The following TMPRSS3 variants were observed in gnomAD, a reference collection of about 807,000 sequenced individuals.
TMPRSS3 encodes the protein transmembrane serine protease 3.
In TMPRSS3, 55 loss-of-function variants were observed where a neutral mutation model predicts 59.6. That is an observed-to-expected ratio of 0.92 (90% CI 0.74 to 1.16). The LOEUF is 1.16. Ranked by LOEUF, TMPRSS3 falls within the 50% of genes most tolerant of loss-of-function variation. The probability of loss-of-function intolerance (pLI) is 0.00; values close to 1 mark genes in which losing one functional copy is unlikely to be tolerated. For synonymous variants in TMPRSS3, 257 were observed against 237.7 expected (o/e 1.08, Z -0.75); for missense variants, 596 against 579.4 (o/e 1.03, Z -0.29).
At position 42,395,379 on chromosome 21, in the gene TMPRSS3, G is replaced by C. The variant is rs150765531; in HGVS notation, c.39C>G (p.Phe13Leu). The stretch of plus-strand genomic sequence containing the variant: ...CAAGGCCAAAAAGCGATCGGAATGA[G>C]AAGGGGGCTTCAACAGCAGGCGGAT... Reference protein sequence around the residue: ...ENDPPAVEAPFSFRSLFGLDD... With the variant: ...ENDPPAVEAPLSFRSLFGLDD... The change falls in exon 2 of 13, where the codon TTC becomes TTG. Residue 13 changes from phenylalanine to leucine, a missense_variant. Coordinates refer to ENST00000644384, the MANE Select transcript of TMPRSS3 (RefSeq NM_001256317.3). 5.4e-5 allele frequency: 87 copies of C among 1,614,226 alleles called. 1 individual carries two copies. The African/African-American group carries it at 1.1e-3, about 21-fold the overall frequency.
rs773048535 is a variant in TMPRSS3, at chr21:42,372,680, G to A, written c.*82C>T. The A allele has an allele frequency of 1.7e-5, 25 of 1,473,148 alleles. No homozygotes were observed. The East Asian group carries it at 4.8e-4, about 28-fold the overall frequency. 91.3% of individuals were successfully genotyped at this position (1,473,148 alleles called of 1,614,324 possible). On this transcript the variant is annotated 3_prime_UTR_variant, in exon 13 of 13. Coordinates refer to ENST00000644384, the MANE Select transcript of TMPRSS3 (RefSeq NM_001256317.3). ...CTCCAAGGGTGTCTGCTCGTGTGCA[G>A]GTTCCTACACGGGAGTCCAGGGGAG... is the stretch of plus-strand genomic sequence containing the variant.
intron 5 of TMPRSS3, among the ~76,000 whole-genome samples, chr21:42,387,847 A>G (rs563996166): frequency 1.3e-5 from 2 of 152,388 alleles, no homozygotes; most frequent in East Asian, 1.9e-4. Flanking sequence ...TGTCACTCCA[A>G]TGCAAAAAAT....
intron 6 of TMPRSS3, among the ~76,000 whole-genome samples, chr21:42,384,732 A>G (rs2052595346): frequency 6.6e-6 from 1 of 152,168 alleles, no homozygotes; most frequent in Non-Finnish European, 1.5e-5. Context: ...CAACAAGCCT[A>G]CTGTTCCCAG....
rs138329636 is a variant in TMPRSS3 at position 42,376,248 on chromosome 21, C to T, written c.1191+293G>A. On this transcript the variant is annotated intron_variant, in intron 11 of 12. Coordinates refer to ENST00000644384, the MANE Select transcript of TMPRSS3 (RefSeq NM_001256317.3). ...TGCAGCTTTCGGAGGGCCAGATTCA[C>T]TGGTTCCCCGCCACCTGCCTCCCCA... Among the ~76,000 whole-genome samples the T allele has an allele frequency of 6.2e-3, 947 of 152,284 alleles. 10 individuals carry two copies. Among genetic ancestry groups the T allele is most frequent in the African/African-American group, 0.02 (835 of 41,554 alleles).
rs547185000 is a variant in TMPRSS3, at chr21:42,379,516, G to A, written c.1048+601C>T. On this transcript the variant is annotated intron_variant, in intron 10 of 12. Transcript: ENST00000644384. ...TGTGATAATTTGTCACGGCAGCCAC[G>A]GAAAATGAATCCTCTTCCTACTAAC... is the stretch of plus-strand genomic sequence containing the variant. Among the ~76,000 whole-genome samples the A allele has an allele frequency of 7.2e-5, 11 of 152,240 alleles. No individual in the cohort carries two copies. In the East Asian group the frequency reaches 1.5e-3, roughly 21 times the overall value.
chr21:42,383,968 A>G lies in TMPRSS3; in HGVS notation c.616+2T>C, dbSNP rs1468755836. 7.4e-6 allele frequency: 12 copies of G among 1,613,982 alleles called. No individual in the cohort carries two copies. Among genetic ancestry groups the G allele is most frequent in the Non-Finnish European group, 1.0e-5 (12 of 1,179,966 alleles). On this transcript the variant is annotated splice_donor_variant, in intron 7 of 12. Transcript: ENST00000644384. LOFTEE classifies it high-confidence loss of function. The stretch of plus-strand genomic sequence containing the variant: ...GGACCCCTGCCTTTCTGGAACTCTT[A>G]CCTGTGCACTGCAAGGTAACCACGT...
chr21:42,390,164 C>T (rs1601533115), intron 2 of TMPRSS3, 127 bp from the exon 3 acceptor site: 2 of 794,660 alleles, frequency 2.5e-6, no homozygotes, highest in East Asian at 2.7e-5. Context: ...AAGAAAGGTG[C>T]CTTAATTAGG....
In TMPRSS3 at chr21:42,388,582, T is replaced by C. The variant is rs2052676167; in HGVS notation, c.323-56A>G. Reference sequence around the variant, plus strand: ...AGTGGCCAGTGGAACCCTGAGACCATAGGCAGGGGTTTCTCCACAGCCAGC... The same window carrying C: ...AGTGGCCAGTGGAACCCTGAGACCACAGGCAGGGGTTTCTCCACAGCCAGC... On this transcript the variant is annotated intron_variant, in intron 4 of 12. Transcript: ENST00000644384. The surrounding 1 kb of genome is among the most constrained non-coding windows in gnomAD (Gnocchi z 5.1). The C allele has an allele frequency of 1.2e-6, 2 of 1,613,332 alleles. No individual in the cohort carries two copies. Among genetic ancestry groups the C allele is most frequent in the South Asian group, 1.1e-5 (1 of 91,052 alleles).
rs933127363 is a variant in TMPRSS3, at chr21:42,375,748, A to G, written c.1312T>C (p.Ser438Pro). 2 of 1,613,792 alleles carry G rather than the reference A, an allele frequency of 1.2e-6. No homozygotes were observed. The highest frequency in any genetic ancestry group is 3.3e-5 in the Admixed American group (2 of 60,028). ...NKPGVYTRVT[S>P]FLDWIHEQME... The stretch of plus-strand genomic sequence containing the variant: ...TGCTCGTGGATCCAGTCCAGGAAGG[A>G]GGTGACACGGGTGTACACCCCAGGC... The change falls in exon 12 of 13, where the codon TCC becomes CCC. Residue 438 changes from serine to proline, a missense_variant. By Grantham distance (74) the Ser-to-Pro change is moderately conservative. Transcript: ENST00000644384.
At chr21:42,375,143 A>T (rs925453220) in intron 12 of TMPRSS3, among the ~76,000 whole-genome samples, 1 of 151,590 alleles carries the variant, frequency 6.6e-6, no homozygotes. Context: ...TTTCCCCTCC[A>T]TGCCCGGGTC....
At chr21:42,384,447 G>A (rs1213790049) in intron 6 of TMPRSS3, among the ~76,000 whole-genome samples, 3 of 152,178 alleles carry the variant, frequency 2.0e-5, no homozygotes, top group Non-Finnish European at 4.4e-5. Flanking sequence ...TCTGGCAGAG[G>A]ACTCCTTCCC....
chr21:42,382,663 A>C, intron 8 of TMPRSS3: 1 of 403,728 alleles, frequency 2.5e-6, no homozygotes, highest in South Asian at 2.4e-5. Context: ...CCCCCAACAT[A>C]TTCCCTCTAG....
In TMPRSS3 at chr21:42,395,199, GT is replaced by G. The variant is rs1035282728; in HGVS notation, c.94+124del. 29 of 800,430 alleles carry G rather than the reference GT, an allele frequency of 3.6e-5. No individual in the cohort carries two copies. The African/African-American group carries it at 4.4e-4, about 12-fold the overall frequency. The allele number at this position is 800,430 out of a possible 1,614,324, so 49.6% of individuals were successfully genotyped here. On this transcript the variant is annotated intron_variant, in intron 2 of 12. Transcript: ENST00000644384. ...ATTCTGCAGATCTAGGGAAGTGCAG[GT>G]GTCCAGCCTGTGGGTGTCAGAATGG...
chr21:42,372,956 T>C (rs2052360440), intron 12 of TMPRSS3, among the ~76,000 whole-genome samples, 177 bp from the exon 13 acceptor site: 1 of 152,112 alleles, frequency 6.6e-6, no homozygotes, highest in Non-Finnish European at 1.5e-5. Flanking sequence ...CAGGCAGGCA[T>C]GAAAAGCTCC....
intron 2 of TMPRSS3, among the ~76,000 whole-genome samples, chr21:42,394,485 A>AT (rs1239885923): frequency 3.3e-5 from 5 of 151,840 alleles, no homozygotes; most frequent in Admixed American, 1.3e-4. Flanking sequence ...TGATTGCAAG[A>AT]TTTTTTTTTC....
At chr21:42,381,877 A>T in intron 9 of TMPRSS3, 188 bp downstream of exon 9, 1 of 774,880 alleles carries the variant, frequency 1.3e-6, no homozygotes, top group Non-Finnish European at 2.2e-6. Flanking sequence ...ACCAAGAGCT[A>T]GGAGCATCAC....
chr21:42,383,704 C>T (rs2052575847), intron 7 of TMPRSS3: 3 of 676,052 alleles, frequency 4.4e-6, no homozygotes. Flanking sequence ...ACTCAAGGCT[C>T]TTCAGAGTGA....
intron 2 of TMPRSS3, among the ~76,000 whole-genome samples, chr21:42,394,743 C>T (rs747754061): frequency 6.6e-6 from 1 of 152,218 alleles, no homozygotes; most frequent in Non-Finnish European, 1.5e-5. Flanking sequence ...ACTTCCAGAA[C>T]CGGCAACCCC....
At chr21:42,395,291 G>C (rs1216274888) in intron 2 of TMPRSS3, 33 bp downstream of exon 2, 5 of 1,584,864 alleles carry the variant, frequency 3.2e-6, no homozygotes, top group Non-Finnish European at 8.7e-7. Flanking sequence ...GGTATGGGCA[G>C]AAATCACAGA....
Sources: allele counts gnomAD v4.1 joint callset (sites outside exome capture counted in the v4.1 genomes callset), GRCh38; gene constraint gnomAD v4.1.1; non-coding constraint Gnocchi (gnomAD v3.1); transcripts MANE v1.5; gene names NCBI Gene and HGNC (gene_info 2026-07-23, HGNC 2026-07-21).